Variants in NDUFA10 observed in about 807,000 individuals in gnomAD.
NDUFA10 encodes the protein NADH:ubiquinone oxidoreductase subunit A10.
A neutral mutation model predicts 47.8 loss-of-function variants in NDUFA10; 40 were observed. The ratio of observed to expected loss-of-function variants is 0.84; its 90% CI spans 0.65 to 1.09. The LOEUF (loss-of-function observed/expected upper bound fraction) is 1.09. Ranked by LOEUF, NDUFA10 falls within the 50% of genes least tolerant of loss-of-function variation. NDUFA10 has a pLI of 0.00. For missense variants in NDUFA10, 413 were observed against 451.1 expected, an observed-to-expected ratio of 0.92 and a Z score of 0.76; for synonymous variants, 183 against 172.2, an observed-to-expected ratio of 1.06 and a Z score of -0.49.
At chr2:239,950,105 C>T (rs1402327210) in intron 4 of NDUFA10, among the ~76,000 whole-genome samples, 4 of 152,166 alleles carry the variant, frequency 2.6e-5, no homozygotes, top group Non-Finnish European at 5.9e-5. Context: ...AGGGGGCACA[C>T]CTCAGAGTGG....
chr2:239,984,865 T>G (rs910160290), intron 9 of NDUFA10, among the ~76,000 whole-genome samples: 2 of 152,078 alleles, frequency 1.3e-5, no homozygotes, highest in African/African-American at 4.8e-5. Flanking sequence ...GCAGCAGGAG[T>G]GCACTGTGGG....
At chr2:240,011,104 G>A (rs571122726) in intron 6 of NDUFA10, among the ~76,000 whole-genome samples, 3 of 152,326 alleles carry the variant, frequency 2.0e-5, no homozygotes, top group Non-Finnish European at 2.9e-5. Context: ...CATTTTCCAT[G>A]TGCTTTCAAC....
intron 9 of NDUFA10, among the ~76,000 whole-genome samples, chr2:239,976,138 T>C (rs1484942623): frequency 6.6e-6 from 1 of 152,240 alleles, no homozygotes; most frequent in Non-Finnish European, 1.5e-5. Context: ...TCAACGCTGA[T>C]GAGAAGTTCT....
intron 9 of NDUFA10, among the ~76,000 whole-genome samples, chr2:239,979,613 T>G (rs1168461566): frequency 3.3e-5 from 5 of 151,906 alleles, no homozygotes; most frequent in Non-Finnish European, 5.9e-5. Context: ...GTGCCTACTC[T>G]CAGCGCCCCC....
At chr2:239,898,602 G>GCCTCTCCTT (rs981815508) in intron 4 of NDUFA10, among the ~76,000 whole-genome samples, 2 of 152,202 alleles carry the variant, frequency 1.3e-5, no homozygotes, top group Admixed American at 6.5e-5. Context: ...CTCCAGGAAC[G>GCCTCTCCTT]CCTCTCCTTC....
intron 8 of NDUFA10, among the ~76,000 whole-genome samples, chr2:240,003,243 A>G (rs1393338924): frequency 6.7e-6 from 1 of 149,576 alleles, no homozygotes; most frequent in South Asian, 2.1e-4. Flanking sequence ...ATCCTAGGAG[A>G]CTACTGTATC....
At chr2:240,014,371 G>A in intron 5 of NDUFA10, 1 of 338,902 alleles carries the variant, frequency 3.0e-6, no homozygotes, top group East Asian at 7.3e-5. Context: ...TGCTTCCAAT[G>A]TGGAAGAAAA....
intron 9 of NDUFA10, among the ~76,000 whole-genome samples, chr2:239,989,000 C>T (rs1696134742): frequency 7.7e-6 from 1 of 129,476 alleles, no homozygotes; most frequent in South Asian, 2.6e-4. Context: ...CACACACTCA[C>T]ACACGTGTAC....
rs1252093639 is a variant in NDUFA10, at chr2:239,958,952, T to C, written c.*2166A>G. ...TCCTGGTTTGTTGGTGCTGTTGTTT[T>C]AGTTGTAAGAGCTTTCGTGAGACGA... is the stretch of plus-strand genomic sequence containing the variant. On this transcript the variant is annotated 3_prime_UTR_variant, in exon 10 of 10. Transcript: ENST00000252711. The C allele has an allele frequency of 1.0e-6, 1 of 985,340 alleles. No individual in the cohort carries two copies. The highest frequency in any genetic ancestry group is 1.2e-6 in the Non-Finnish European group (1 of 829,952). 61.0% of individuals were successfully genotyped at this position (985,340 alleles called of 1,614,324 possible).
rs377501912 is a variant in NDUFA10 at position 239,945,041 on chromosome 2, G to C, written c.294+45033C>G. ...CTTCTTTATTGCAAGGTGCCTCCCC[G>C]AGACAGAATTCCATGGTTTTGGTAG... On this transcript the variant is annotated intron_variant, in intron 4 of 5. Coordinates refer to the NDUFA10 transcript ENST00000419408. The surrounding 1 kb of genome is among the most constrained non-coding windows in gnomAD (Gnocchi z 4.6). Among the ~76,000 whole-genome samples the C allele has an allele frequency of 6.6e-6, 1 of 152,048 alleles. No individual in the cohort carries two copies. The highest frequency in any genetic ancestry group is 2.1e-4 in the South Asian group (1 of 4,796).
At chr2:240,018,964 T>A (rs1697489325) in intron 3 of NDUFA10, among the ~76,000 whole-genome samples, 1 of 151,952 alleles carries the variant, frequency 6.6e-6, no homozygotes, top group Admixed American at 6.6e-5. Flanking sequence ...CCCCCACCAT[T>A]CCAGTCAGAT....
At chr2:240,017,710 C>A (rs779007599) in intron 4 of NDUFA10, 3 of 866,606 alleles carry the variant, frequency 3.5e-6, no homozygotes, top group Non-Finnish European at 5.6e-6. Flanking sequence ...ATCAGAAGCA[C>A]GGGCTTGCAG....
chr2:240,023,131 A>G (rs548560004), intron 1 of NDUFA10, among the ~76,000 whole-genome samples: 1 of 152,200 alleles, frequency 6.6e-6, no homozygotes, highest in Non-Finnish European at 1.5e-5. Flanking sequence ...TTTACTCTCC[A>G]CACTAAAGTG....
chr2:240,022,420 A>G lies in NDUFA10; in HGVS notation c.76-80T>C, dbSNP rs930569681. ...GCATTAGTAACTATTAGGTAAAAATACCAAGAAACCTCTTAGTGATAAAAA... is the reference window on the plus strand; with the variant it reads ...GCATTAGTAACTATTAGGTAAAAATGCCAAGAAACCTCTTAGTGATAAAAA... On this transcript the variant is annotated intron_variant, in intron 1 of 9. Transcript: ENST00000252711. 13 of 1,592,708 alleles carry G rather than the reference A, an allele frequency of 8.2e-6. No homozygotes were observed. In the African/African-American group the frequency reaches 1.6e-4, roughly 20 times the overall value.
chr2:239,936,206 C>T (rs1316995242), intron 4 of NDUFA10, among the ~76,000 whole-genome samples: 2 of 152,196 alleles, frequency 1.3e-5, no homozygotes, highest in Admixed American at 1.3e-4. Context: ...ATGCCCTGTG[C>T]ATGCTGACTC....
chr2:239,945,168 G>T lies in NDUFA10; in HGVS notation c.294+44906C>A, dbSNP rs931775512. 6.6e-6 allele frequency among the ~76,000 whole-genome samples: 1 copy of T among 152,122 alleles called. No individual in the cohort carries two copies. Among genetic ancestry groups the T allele is most frequent in the Admixed American group, 6.5e-5 (1 of 15,288 alleles). ...AGCCCCGGCACCCCTCCCGCAGGAG[G>T]GCCTGACTGGGGAGGAAATGACAAG... On this transcript the variant is annotated intron_variant, in intron 4 of 5. Coordinates refer to the NDUFA10 transcript ENST00000419408. This position sits in a 1 kb window ranked among gnomAD's most constrained non-coding sequence, Gnocchi z 4.6.
At chr2:239,995,775 C>T (rs1304311605) in intron 8 of NDUFA10, among the ~76,000 whole-genome samples, 1 of 152,172 alleles carries the variant, frequency 6.6e-6, no homozygotes, top group Non-Finnish European at 1.5e-5. Context: ...TAATTGAAAG[C>T]TGCAGTGGCT....
At chr2:239,970,130 G>A (rs951528602) in intron 9 of NDUFA10, among the ~76,000 whole-genome samples, 1 of 152,074 alleles carries the variant, frequency 6.6e-6, no homozygotes, top group Non-Finnish European at 1.5e-5. Flanking sequence ...AAAAGATCAC[G>A]AGAAAATCTT....
At position 239,914,740 on chromosome 2, in the gene NDUFA10, TAC is replaced by T. The variant is rs1175998736; in HGVS notation, c.295-19428_295-19427del. On this transcript the variant is annotated intron_variant, in intron 4 of 5. Coordinates refer to the NDUFA10 transcript ENST00000419408. ...ACACACAAATATACAGAGATACACA[TAC>T]ACACACAGAACACACACATACATAC... Among the ~76,000 whole-genome samples the T allele has an allele frequency of 6.1e-4, 16 of 26,402 alleles. 1 individual carries two copies. Among genetic ancestry groups the T allele is most frequent in the African/African-American group, 5.5e-3 (15 of 2,704 alleles). The allele number at this position is 26,402 out of a possible 152,430, so 17.3% of individuals were successfully genotyped here.
Sources: allele counts gnomAD v4.1 joint callset (sites outside exome capture counted in the v4.1 genomes callset), GRCh38; gene constraint gnomAD v4.1.1; non-coding constraint Gnocchi (gnomAD v3.1); transcripts MANE v1.5; gene names NCBI Gene and HGNC (gene_info 2026-07-23, HGNC 2026-07-21).